COL24A1: variants seen among roughly 807,000 people sequenced by gnomAD.
COL24A1 encodes the protein collagen alpha-1(XXIV) chain.
In COL24A1, 224 loss-of-function variants were observed where a neutral mutation model predicts 253.9. That is an observed-to-expected ratio of 0.88 (90% CI 0.79 to 0.99). COL24A1 has a LOEUF of 0.99. Ranked by LOEUF, COL24A1 falls within the 50% of genes least tolerant of loss-of-function variation. The pLI is 0.00. For synonymous variants in COL24A1, 685 were observed against 673.7 expected (o/e 1.02, Z -0.26); for missense variants, 2,131 against 2,068.5 (o/e 1.03, Z -0.59).
intron 18 of COL24A1, among the ~76,000 whole-genome samples, chr1:86,018,538 A>G (rs1456193812): frequency 1.3e-5 from 2 of 152,242 alleles, no homozygotes; most frequent in African/African-American, 4.8e-5. Context: ...CTAAGCAGTG[A>G]GGATAAAATA....
intron 57 of COL24A1, among the ~76,000 whole-genome samples, chr1:85,739,741 T>G (rs6686719): frequency 6.6e-6 from 1 of 152,046 alleles, no homozygotes; most frequent in African/African-American, 2.4e-5. Context: ...AACATGTTGG[T>G]CTTCAGTTCC....
rs142667127 is a variant in COL24A1, at chr1:85,829,938, C to T, written c.3682-6200G>A. On this transcript the variant is annotated intron_variant, in intron 43 of 59. Transcript: ENST00000370571. ...TCTCTGAGTTCATCAAAGTCATTCT[C>T]CTTCCAGCTTTGTTCTGTTGCTGGT... 6.3e-3 allele frequency among the ~76,000 whole-genome samples: 964 copies of T among 152,228 alleles called. 11 individuals carry two copies. Among genetic ancestry groups the T allele is most frequent in the African/African-American group, 0.022 (927 of 41,566 alleles).
chr1:85,735,882 T>C lies in COL24A1; in HGVS notation c.4783-918A>G, dbSNP rs565655328. ...GAAAAATATCAGTTATGAGGTAATG[T>C]AGAAGAAAAACAATAACAACAAAAA... On this transcript the variant is annotated intron_variant, in intron 58 of 59. Coordinates refer to ENST00000370571, the MANE Select transcript of COL24A1 (RefSeq NM_152890.7). Among the ~76,000 whole-genome samples, 289 of 151,788 alleles carry C rather than the reference T, an allele frequency of 1.9e-3. 1 individual carries two copies. The highest frequency in any genetic ancestry group is 6.7e-3 in the African/African-American group (278 of 41,370).
chr1:85,890,462 T>A (rs1019097244), intron 31 of COL24A1, among the ~76,000 whole-genome samples: 1 of 151,420 alleles, frequency 6.6e-6, no homozygotes, highest in East Asian at 1.9e-4. Flanking sequence ...TAGTATCCCA[T>A]GGTGGTTTGA....
At chr1:85,999,772 T>C (rs1426901740) in intron 19 of COL24A1, among the ~76,000 whole-genome samples, 5 of 152,144 alleles carry the variant, frequency 3.3e-5, no homozygotes, top group African/African-American at 4.8e-5. Flanking sequence ...AGGATGAACA[T>C]TTGTGACCAG....
At chr1:85,878,603 T>G (rs1681472898) in intron 32 of COL24A1, among the ~76,000 whole-genome samples, 1 of 152,222 alleles carries the variant, frequency 6.6e-6, no homozygotes, top group African/African-American at 2.4e-5. Context: ...ACACTAAGGA[T>G]TGTGATCACT....
At chr1:85,977,572 A>C (rs1006686833) in intron 20 of COL24A1, among the ~76,000 whole-genome samples, 1 of 152,202 alleles carries the variant, frequency 6.6e-6, no homozygotes, top group African/African-American at 2.4e-5. Flanking sequence ...AGAAATACAA[A>C]ATGCACTGGA....
At chr1:86,143,785 C>T (rs910096668) in intron 2 of COL24A1, among the ~76,000 whole-genome samples, 3 of 152,020 alleles carry the variant, frequency 2.0e-5, no homozygotes, top group Non-Finnish European at 4.4e-5. Context: ...AAACTTTGTA[C>T]AGTACTTGTA....
intron 12 of COL24A1, among the ~76,000 whole-genome samples, chr1:86,038,630 T>C (rs560713454): frequency 1.3e-5 from 2 of 152,148 alleles, no homozygotes; most frequent in African/African-American, 4.8e-5. Context: ...CAAAAGAATA[T>C]AGAAGTGACA....
At position 86,133,982 on chromosome 1, in the gene COL24A1, C is replaced by CTT. The variant is rs138338093; in HGVS notation, c.122-7770_122-7769dup. ...GGCTGTGAATCCATCTGGTCCTGGACTTTTTTTTGGTTGCTAACCTATTAA... is the reference window on the plus strand; with the variant it reads ...GGCTGTGAATCCATCTGGTCCTGGACTTTTTTTTTTGGTTGCTAACCTATTAA... On this transcript the variant is annotated intron_variant, in intron 2 of 59. Coordinates refer to ENST00000370571, the MANE Select transcript of COL24A1 (RefSeq NM_152890.7). Among the ~76,000 whole-genome samples, 1,255 of 151,498 alleles carry CTT rather than the reference C, an allele frequency of 8.3e-3. 8 individuals carry two copies. Among genetic ancestry groups the CTT allele is most frequent in the African/African-American group, 0.028 (1,170 of 41,324 alleles).
intron 53 of COL24A1, among the ~76,000 whole-genome samples, chr1:85,764,129 T>C (rs995239696): frequency 3.9e-5 from 6 of 152,066 alleles, no homozygotes. Flanking sequence ...TGCACAGAGC[T>C]TCCTTTTCTC....
intron 32 of COL24A1, among the ~76,000 whole-genome samples, chr1:85,888,894 T>A (rs1016870651): frequency 2.0e-5 from 3 of 152,128 alleles, no homozygotes; most frequent in Non-Finnish European, 2.9e-5. Flanking sequence ...TTTGAAAGAC[T>A]ATATTGTATT....
At chr1:86,032,086 C>G (rs582141) in intron 13 of COL24A1, among the ~76,000 whole-genome samples, 164 bp from the exon 14 acceptor site, 106,431 of 152,112 alleles carry the variant, frequency 0.7, 38,705 homozygotes, top group African/African-American at 0.88. Context: ...TCCTGAGAAG[C>G]ACAAACCTAT....
chr1:85,775,966 T>C (rs1049691242), intron 52 of COL24A1, among the ~76,000 whole-genome samples: 3 of 152,178 alleles, frequency 2.0e-5, no homozygotes, highest in Non-Finnish European at 2.9e-5. Context: ...GATAACTACT[T>C]ATTCATTCAA....
chr1:86,151,969 C>T (rs922662444), intron 1 of COL24A1, among the ~76,000 whole-genome samples: 1 of 152,198 alleles, frequency 6.6e-6, no homozygotes, highest in Non-Finnish European at 1.5e-5. Context: ...ACAATTTCCA[C>T]CACGCTACGT....
intron 3 of COL24A1, among the ~76,000 whole-genome samples, chr1:86,117,764 C>T (rs1412386649): frequency 1.3e-5 from 2 of 152,028 alleles, no homozygotes; most frequent in African/African-American, 4.8e-5. Flanking sequence ...AGGTTAAGTA[C>T]TAAAAAAGGC....
intron 4 of COL24A1, among the ~76,000 whole-genome samples, 166 bp downstream of exon 4, chr1:86,115,159 T>C (rs1706014968): frequency 2.6e-5 from 4 of 152,212 alleles, no homozygotes; most frequent in Admixed American, 2.6e-4. Flanking sequence ...CAAAATAAAC[T>C]AGGCTGCATG....
chr1:85,866,742 C>G (rs2102498446), intron 37 of COL24A1, among the ~76,000 whole-genome samples: 1 of 152,186 alleles, frequency 6.6e-6, no homozygotes, highest in East Asian at 1.9e-4. Flanking sequence ...CCATTGCACT[C>G]CAGCCTGGGT....
intron 1 of COL24A1, among the ~76,000 whole-genome samples, chr1:86,148,330 G>A (rs576268029): frequency 1.7e-4 from 26 of 152,010 alleles, no homozygotes; most frequent in African/African-American, 6.0e-4. Flanking sequence ...AATTACAGGC[G>A]CCTGCCACCA....
Sources: allele counts gnomAD v4.1 joint callset (sites outside exome capture counted in the v4.1 genomes callset), GRCh38; gene constraint gnomAD v4.1.1; transcripts MANE v1.5; gene names NCBI Gene and HGNC (gene_info 2026-07-23, HGNC 2026-07-21).